ABCA1: variants seen among roughly 807,000 people sequenced by gnomAD.
ABCA1 encodes the protein ATP binding cassette subfamily A member 1.
A neutral mutation model predicts 262.5 loss-of-function variants in ABCA1; 133 were observed. That is an observed-to-expected ratio of 0.51 (90% confidence interval 0.44 to 0.59). The LOEUF is 0.59. Among genes scored for constraint, ABCA1 ranks in the 20% least tolerant of loss-of-function variants. The pLI, the probability that ABCA1 is intolerant of heterozygous loss-of-function variation, is 0.00. For missense variants in ABCA1, 2,452 were observed against 2,777.5 expected (o/e 0.88, Z 2.63); for synonymous variants, 1,022 against 1,043.5 (o/e 0.98, Z 0.40).
chr9:104,818,618 G>A (rs1296243248), intron 23 of ABCA1, 45 bp downstream of exon 23: 3 of 1,582,756 alleles, frequency 1.9e-6, no homozygotes, highest in Non-Finnish European at 1.7e-6. Flanking sequence ...GCAAGTCCTG[G>A]CTGCCCAGAC....
chr9:104,849,545 G>A (rs1375570918), intron 7 of ABCA1, among the ~76,000 whole-genome samples: 1 of 152,184 alleles, frequency 6.6e-6, no homozygotes, highest in African/African-American at 2.4e-5. Flanking sequence ...TTGGCAATCT[G>A]TAGTCAATAT....
At position 104,821,085 on chromosome 9, in the gene ABCA1, A is replaced by C. The variant is rs563603867; in HGVS notation, c.2960+290T>G. 4.6e-5 allele frequency among the ~76,000 whole-genome samples: 7 copies of C among 152,180 alleles called. No individual in the cohort carries two copies. The East Asian group carries it at 1.4e-3, about 30-fold the overall frequency. On this transcript the variant is annotated intron_variant, in intron 20 of 49. Coordinates refer to ENST00000374736, the MANE Select transcript of ABCA1 (RefSeq NM_005502.4). Reference sequence around the variant, plus strand: ...TGGTGAAACCCCGTCTCTACTAAAAACACAAAAATTAGCTGGGCATGGTGG... The same window carrying C: ...TGGTGAAACCCCGTCTCTACTAAAACCACAAAAATTAGCTGGGCATGGTGG...
chr9:104,843,443 G>T (rs1834566209), intron 8 of ABCA1, among the ~76,000 whole-genome samples: 1 of 152,180 alleles, frequency 6.6e-6, no homozygotes, highest in African/African-American at 2.4e-5. Context: ...TTCTTGGAAG[G>T]TTCTCCTTTC....
At chr9:104,913,926 G>T (rs977314793) in intron 1 of ABCA1, among the ~76,000 whole-genome samples, 2 of 151,874 alleles carry the variant, frequency 1.3e-5, no homozygotes, top group African/African-American at 4.8e-5. Context: ...CTCCCGAGTA[G>T]CTGGGACTAC....
chr9:104,891,711 A>G (rs577171672), intron 2 of ABCA1, among the ~76,000 whole-genome samples: 2 of 149,458 alleles, frequency 1.3e-5, no homozygotes, highest in African/African-American at 4.9e-5. Context: ...CCTGCCTATA[A>G]TCCCAGAACT....
In ABCA1 at chr9:104,788,024, G is replaced by C; in HGVS notation, c.6100C>G (p.Leu2034Val). 1 of 1,614,136 alleles carries C rather than the reference G, an allele frequency of 6.2e-7. No homozygotes were observed. The highest frequency in any genetic ancestry group is 8.5e-7 in the Non-Finnish European group (1 of 1,180,018). The stretch of plus-strand genomic sequence containing the variant: ...GCATATTTTTCTCCATACTTCACGA[G>C]GCCCAGTTTCCGAATCGCCCACTCA... ...VGEWAIRKLG[L>V]VKYGEKYAGN... The change falls in exon 46 of 50, where the codon CTC becomes GTC. Residue 2034 changes from leucine (L) to valine (V), a missense_variant. Leu to Val is a conservative substitution (Grantham distance 32). Transcript: ENST00000374736.
chr9:104,880,694 G>A (rs1034700474), intron 5 of ABCA1, among the ~76,000 whole-genome samples: 60 of 152,210 alleles, frequency 3.9e-4, no homozygotes, highest in African/African-American at 1.3e-3. Context: ...CAGCTGCAAG[G>A]CAGAAAAGGG....
At chr9:104,921,819 C>T (rs1197835343) in intron 1 of ABCA1, among the ~76,000 whole-genome samples, 1 of 152,130 alleles carries the variant, frequency 6.6e-6, no homozygotes, top group Non-Finnish European at 1.5e-5. Context: ...AATCAAAGAC[C>T]TTCCTCTAGA....
intron 11 of ABCA1, among the ~76,000 whole-genome samples, chr9:104,834,976 C>T (rs1193231706): frequency 2.6e-5 from 4 of 152,190 alleles, no homozygotes; most frequent in East Asian, 1.9e-4. Flanking sequence ...AGGCCGGGCG[C>T]GGTGGCTCAT....
intron 5 of ABCA1, among the ~76,000 whole-genome samples, chr9:104,875,827 C>A (rs572710835): frequency 7.2e-5 from 11 of 152,122 alleles, no homozygotes; most frequent in Non-Finnish European, 1.3e-4. Context: ...ATGGAGAGTG[C>A]CATTCACAGG....
chr9:104,796,448 C>A (rs778033953), intron 37 of ABCA1, 24 bp from the exon 38 acceptor site: 1 of 1,569,668 alleles, frequency 6.4e-7, no homozygotes, highest in East Asian at 2.2e-5. Context: ...CAAAGACATC[C>A]AGTTCACCCC....
chr9:104,845,563 G>C lies in ABCA1; in HGVS notation c.727C>G (p.Leu243Val), dbSNP rs1197400445. 1 of 1,610,680 alleles carries C rather than the reference G, an allele frequency of 6.2e-7. No individual in the cohort carries two copies. The highest frequency in any genetic ancestry group is 8.5e-7 in the Non-Finnish European group (1 of 1,176,988). The stretch of plus-strand genomic sequence containing the variant: ...CTCGGGAAGGGAGATGTAGAGTTTA[G>C]TGTTCTCTGTAATGAGAAAGAAAAC... ...MDILKPILRT[L>V]NSTSPFPSKE... Residue 243 changes from leucine (L) to valine (V), a missense_variant, in exon 8 of 50, where the codon CTA (leucine) becomes GTA (valine). Physicochemically the swap from Leu to Val is conservative, Grantham distance 32. Coordinates refer to ENST00000374736, the MANE Select transcript of ABCA1 (RefSeq NM_005502.4).
In ABCA1 at chr9:104,798,243, A is replaced by AAG. The variant is rs1295357669; in HGVS notation, c.5121+177_5121+178insCT. 3.3e-5 allele frequency among the ~76,000 whole-genome samples: 5 copies of AAG among 152,326 alleles called. No individual in the cohort carries two copies. The East Asian group carries it at 5.8e-4, about 18-fold the overall frequency. ...CCTCTGGTGTGACATGAACTCTGGTACCCAATGCTGTGTTTGGTGTCATGA... is the reference window on the plus strand; with the variant it reads ...CCTCTGGTGTGACATGAACTCTGGTAAGCCCAATGCTGTGTTTGGTGTCATGA... On this transcript the variant is annotated intron_variant, in intron 37 of 49. Coordinates refer to ENST00000374736, the MANE Select transcript of ABCA1 (RefSeq NM_005502.4).
At chr9:104,784,613 T>C (rs1454569348) in intron 49 of ABCA1, among the ~76,000 whole-genome samples, 158 bp from the exon 50 acceptor site, 3 of 152,132 alleles carry the variant, frequency 2.0e-5, no homozygotes, top group Non-Finnish European at 2.9e-5. Context: ...GAGGGAAGAA[T>C]ACTTGAAAAA....
intron 5 of ABCA1, among the ~76,000 whole-genome samples, chr9:104,878,152 T>C (rs192071497): frequency 6.6e-6 from 1 of 152,332 alleles, no homozygotes; most frequent in Non-Finnish European, 1.5e-5. Flanking sequence ...TGAGGATTTA[T>C]CCAATTTTTA....
intron 8 of ABCA1, among the ~76,000 whole-genome samples, chr9:104,840,830 C>T (rs2119035994): frequency 6.6e-6 from 1 of 152,282 alleles, no homozygotes; most frequent in Non-Finnish European, 1.5e-5. Context: ...CCAGGTGATT[C>T]CTATGCTCAC....
chr9:104,860,618 CAAT>C (rs1362284889), intron 6 of ABCA1, among the ~76,000 whole-genome samples: 1 of 152,080 alleles, frequency 6.6e-6, no homozygotes, highest in Non-Finnish European at 1.5e-5. Context: ...TCTGAAAAAT[CAAT>C]AACCATGCAA....
intron 2 of ABCA1, among the ~76,000 whole-genome samples, chr9:104,897,953 C>T (rs899148593): frequency 1.3e-5 from 2 of 152,280 alleles, no homozygotes; most frequent in East Asian, 3.9e-4. Flanking sequence ...AATTGCAACG[C>T]ATACACCTCA....
At chr9:104,851,029 T>C (rs1240209048) in intron 7 of ABCA1, among the ~76,000 whole-genome samples, 2 of 152,204 alleles carry the variant, frequency 1.3e-5, no homozygotes, top group Non-Finnish European at 1.5e-5. Context: ...ATGCTTACTG[T>C]TATTATTCAA....
Sources: allele counts gnomAD v4.1 joint callset (sites outside exome capture counted in the v4.1 genomes callset), GRCh38; gene constraint gnomAD v4.1.1; transcripts MANE v1.5; gene names NCBI Gene and HGNC (gene_info 2026-07-23, HGNC 2026-07-21).